The following ITIH5 variants were observed in gnomAD, a reference collection of about 807,000 sequenced individuals.
ITIH5 encodes inter-alpha-trypsin inhibitor heavy chain H5.
ITIH5 carries 65 observed loss-of-function variants against 77.5 expected under a neutral mutation model. That is an observed-to-expected ratio of 0.84 (90% confidence interval 0.69 to 1.03). The LOEUF (loss-of-function observed/expected upper bound fraction) is 1.03. Among genes scored for constraint, ITIH5 ranks in the 50% least tolerant of loss-of-function variants. The pLI is 0.00. For missense variants in ITIH5, 1,208 were observed against 1,213.1 expected, an observed-to-expected ratio of 1.00 and a Z score of 0.06; for synonymous variants, 525 against 494.3, an observed-to-expected ratio of 1.06 and a Z score of -0.82.
In ITIH5 at chr10:7,568,734, G is replaced by A. The variant is rs114944585; in HGVS notation, c.2149+934C>T. 3.7e-3 allele frequency among the ~76,000 whole-genome samples: 558 copies of A among 152,304 alleles called. 3 individuals carry two copies. The highest frequency in any genetic ancestry group is 0.012 in the African/African-American group (497 of 41,556). On this transcript the variant is annotated intron_variant, in intron 12 of 13. Coordinates refer to ENST00000397146, the MANE Select transcript of ITIH5 (RefSeq NM_030569.7). ...GTCCTCACAGAGCTGGACATGGTTT[G>A]TTACCTGCATCGAACTTGAAAAGCT...
At position 7,644,331 on chromosome 10, in the gene ITIH5, TATATATCAC is replaced by T. The variant is rs893450570; in HGVS notation, c.136-2250_136-2242del. Reference sequence around the variant, plus strand: ...TCACATATATATCATACATATCACATATATATCACATATATCACATATATATCATATATA... The same window carrying T: ...TCACATATATATCATACATATCACATATATATCACATATATATCATATATA... On this transcript the variant is annotated intron_variant, in intron 2 of 13. Transcript: ENST00000397146. Among the ~76,000 whole-genome samples, 31 of 147,908 alleles carry T rather than the reference TATATATCAC, an allele frequency of 2.1e-4. No homozygotes were observed. The East Asian group carries it at 2.5e-3, about 12-fold the overall frequency.
At chr10:7,577,404 C>A (rs537230632) in intron 9 of ITIH5, among the ~76,000 whole-genome samples, 1 of 152,338 alleles carries the variant, frequency 6.6e-6, no homozygotes, top group South Asian at 2.1e-4. Context: ...CTGTGCATTC[C>A]TTTAAGCCCA....
rs374218424 is a variant in ITIH5 at position 7,568,064 on chromosome 10, C to T, written c.2149+1604G>A. 1.6e-4 allele frequency among the ~76,000 whole-genome samples: 25 copies of T among 152,246 alleles called. No homozygotes were observed. In the South Asian group the frequency reaches 3.7e-3, roughly 23 times the overall value. ...GGGCTTTTCTGGACTTGAGCAAGGC[C>T]TGTGAACCAGGCCCCAGGGTTCCGT... On this transcript the variant is annotated intron_variant, in intron 12 of 13. Transcript: ENST00000397146.
intron 7 of ITIH5, among the ~76,000 whole-genome samples, chr10:7,597,760 G>A (rs529099591): frequency 1.2e-3 from 179 of 152,294 alleles, no homozygotes; most frequent in Non-Finnish European, 2.2e-3. Context: ...CTCAGTGGGG[G>A]TATTCCAAGT....
intron 5 of ITIH5, chr10:7,619,598 G>C: frequency 2.5e-6 from 1 of 393,896 alleles, no homozygotes; most frequent in South Asian, 1.9e-5. Context: ...CATGGCTGGG[G>C]AAGCCTCGGG....
chr10:7,559,508 T>C lies in ITIH5; in HGVS notation c.*3575A>G, dbSNP rs1228685760. The stretch of plus-strand genomic sequence containing the variant: ...TAGCTGTGTTATTTGTTATTTATTT[T>C]AGCTGGATCATGTCCTACAGTTCCA... On this transcript the variant is annotated 3_prime_UTR_variant, in exon 14 of 14. Transcript: ENST00000397146. 1 of 167,524 alleles carries C rather than the reference T, an allele frequency of 6.0e-6. No homozygotes were observed. The highest frequency in any genetic ancestry group is 1.3e-5 in the Non-Finnish European group (1 of 78,236). 10.4% of individuals were successfully genotyped at this position (167,524 alleles called of 1,614,324 possible).
chr10:7,639,559 T>C (rs1005978795), intron 4 of ITIH5, among the ~76,000 whole-genome samples: 4 of 151,936 alleles, frequency 2.6e-5, no homozygotes, highest in African/African-American at 7.3e-5. Context: ...GAACTAAATT[T>C]CTCAAAATGA....
At chr10:7,644,521 CATATATATGATATATCACATATATATG>C (rs1833948131) in intron 2 of ITIH5, among the ~76,000 whole-genome samples, 3 of 123,108 alleles carry the variant, frequency 2.4e-5, no homozygotes, top group African/African-American at 9.7e-5. Flanking sequence ...ATATATATCA[CATATATATGATATATCACATATATATG>C]ATATATCACA....
At chr10:7,627,831 T>G (rs1212958144) in intron 5 of ITIH5, among the ~76,000 whole-genome samples, 1 of 70,890 alleles carries the variant, frequency 1.4e-5, no homozygotes, top group African/African-American at 5.3e-5. Context: ...ATTAACCTTT[T>G]TTTTTTTTTT....
chr10:7,626,262 C>T (rs1018242915), intron 5 of ITIH5, among the ~76,000 whole-genome samples: 19 of 152,104 alleles, frequency 1.2e-4, no homozygotes, highest in African/African-American at 4.1e-4. Flanking sequence ...GGTGTCTCAC[C>T]GGTATTGGGC....
intron 12 of ITIH5, chr10:7,569,375 T>C (rs1450578918): frequency 1.0e-5 from 3 of 285,734 alleles, no homozygotes; most frequent in Admixed American, 1.0e-4. Context: ...ATAACCAGTT[T>C]CATTTGATCC....
At chr10:7,591,498 G>A (rs1438897841) in intron 7 of ITIH5, among the ~76,000 whole-genome samples, 1 of 152,104 alleles carries the variant, frequency 6.6e-6, no homozygotes, top group Non-Finnish European at 1.5e-5. Flanking sequence ...CTCCATCCCC[G>A]ATGCTGCACT....
chr10:7,660,116 C>T (rs1170134367), intron 1 of ITIH5, among the ~76,000 whole-genome samples: 1 of 152,210 alleles, frequency 6.6e-6, no homozygotes, highest in Non-Finnish European at 1.5e-5. Flanking sequence ...CAGACCACAA[C>T]ATTTATTGAG....
In ITIH5 at chr10:7,629,548, C is replaced by T. The variant is rs528120249; in HGVS notation, c.652+7680G>A. Among the ~76,000 whole-genome samples the T allele has an allele frequency of 3.5e-4, 45 of 130,014 alleles. 3 individuals are homozygous for T. Among genetic ancestry groups the T allele is most frequent in the African/African-American group, 1.2e-3 (44 of 38,158 alleles). The allele number at this position is 130,014 out of a possible 152,430, so 85.3% of individuals were successfully genotyped here. ...GTTGCAGCGTGTGTCCGTGTTGTGG[C>T]ATGCATCCATGTTATCATATGTATC... On this transcript the variant is annotated intron_variant, in intron 5 of 13. Coordinates refer to ENST00000397146, the MANE Select transcript of ITIH5 (RefSeq NM_030569.7).
chr10:7,594,575 C>T (rs1832857655), intron 7 of ITIH5, among the ~76,000 whole-genome samples: 1 of 152,052 alleles, frequency 6.6e-6, no homozygotes, highest in Non-Finnish European at 1.5e-5. Flanking sequence ...TCGCAGTTTT[C>T]ATGGAGATGA....
intron 4 of ITIH5, 109 bp from the exon 5 acceptor site, chr10:7,637,587 G>A (rs1833823441): frequency 2.7e-6 from 3 of 1,100,572 alleles, no homozygotes; most frequent in Non-Finnish European, 3.9e-6. Context: ...GCCTGCCAGG[G>A]AGACCCATGG....
chr10:7,581,870 A>AC (rs1223328428), intron 8 of ITIH5, among the ~76,000 whole-genome samples: 1 of 81,452 alleles, frequency 1.2e-5, no homozygotes, highest in African/African-American at 5.0e-5. Context: ...CCACCCATGT[A>AC]TTTTTTTTTT....
intron 3 of ITIH5, among the ~76,000 whole-genome samples, chr10:7,641,687 AGGGAGGG>A (rs1833890768): frequency 1.5e-5 from 1 of 65,468 alleles, no homozygotes; most frequent in Non-Finnish European, 2.8e-5. Context: ...GGAAGGAGGG[AGGGAGGG>A]AGGGAGGGAG....
intron 5 of ITIH5, among the ~76,000 whole-genome samples, chr10:7,635,841 C>T (rs535689942): frequency 3.3e-5 from 5 of 152,278 alleles, no homozygotes; most frequent in South Asian, 2.1e-4. Flanking sequence ...CTTCTCCTGC[C>T]GATCTTATCC....
Sources: gnomAD v4.1 joint callset for allele counts (sites outside exome capture counted in the v4.1 genomes callset) on GRCh38, gnomAD v4.1.1 for gene constraint, MANE v1.5 for transcripts, NCBI Gene and HGNC (gene_info 2026-07-23, HGNC 2026-07-21) for gene names.